The following NTNG1 variants were observed in gnomAD, a reference collection of about 807,000 sequenced individuals.
NTNG1 encodes netrin-G1.
Under a neutral mutation model 54.0 loss-of-function variants are expected in NTNG1, and 16 were observed. The observed-to-expected ratio is 0.30, with a 90% CI of 0.20 to 0.45. NTNG1 has a LOEUF of 0.45. Ranked by LOEUF, NTNG1 falls within the 20% of genes least tolerant of loss-of-function variation. NTNG1 has a pLI of 1.00. For synonymous variants in NTNG1, 255 were observed against 263.1 expected, an observed-to-expected ratio of 0.97 and a Z score of 0.30; for missense variants, 530 against 678.7, an observed-to-expected ratio of 0.78 and a Z score of 2.43.
chr1:107,393,179 G>A (rs540388576), intron 3 of NTNG1, among the ~76,000 whole-genome samples: 1 of 152,242 alleles, frequency 6.6e-6, no homozygotes, highest in South Asian at 2.1e-4. Context: ...ATTACTCCTT[G>A]CATTCTTGAT....
intron 5 of NTNG1, chr1:107,420,964 C>T (rs750421691): frequency 4.8e-5 from 33 of 692,580 alleles, no homozygotes; most frequent in Non-Finnish European, 6.8e-5. Flanking sequence ...CTAGAAACAA[C>T]AGATACAAAT....
chr1:107,401,753 A>G (rs979956238), intron 4 of NTNG1, among the ~76,000 whole-genome samples: 1 of 151,840 alleles, frequency 6.6e-6, no homozygotes, highest in Non-Finnish European at 1.5e-5. Flanking sequence ...ATGGAAAGAC[A>G]GTATAGAACG....
At chr1:107,282,576 G>A (rs1664934990) in intron 2 of NTNG1, among the ~76,000 whole-genome samples, 1 of 152,024 alleles carries the variant, frequency 6.6e-6, no homozygotes. Flanking sequence ...CCTTCTGTTG[G>A]CCCTCAAAAT....
At chr1:107,385,160 A>C (rs1274444524) in intron 3 of NTNG1, among the ~76,000 whole-genome samples, 1 of 152,180 alleles carries the variant, frequency 6.6e-6, no homozygotes, top group Admixed American at 6.5e-5. Flanking sequence ...CTGTGTTCAG[A>C]TATCAGTTGT....
At chr1:107,452,935 C>T (rs368966966) in intron 7 of NTNG1, among the ~76,000 whole-genome samples, 4 of 152,136 alleles carry the variant, frequency 2.6e-5, no homozygotes, top group Non-Finnish European at 4.4e-5. Flanking sequence ...TGAGGAGGTA[C>T]GTGACAATCC....
intron 7 of NTNG1, chr1:107,460,423 T>G: frequency 1.9e-6 from 1 of 518,754 alleles, no homozygotes; most frequent in Middle Eastern, 3.2e-4. Context: ...ATTTTACACT[T>G]TGGGAAAACT....
At chr1:107,448,730 A>G (rs1406470362) in intron 7 of NTNG1, among the ~76,000 whole-genome samples, 1 of 152,068 alleles carries the variant, frequency 6.6e-6, no homozygotes, top group South Asian at 2.1e-4. Flanking sequence ...AACATTTTAT[A>G]TAAGGGGCAG....
chr1:107,219,412 T>C (rs1660194683), intron 2 of NTNG1, among the ~76,000 whole-genome samples: 1 of 152,224 alleles, frequency 6.6e-6, no homozygotes, highest in African/African-American at 2.4e-5. Flanking sequence ...ATTCTTTTTC[T>C]GGCAATTCAG....
chr1:107,297,398 A>C (rs1666047453), intron 2 of NTNG1, among the ~76,000 whole-genome samples: 1 of 151,808 alleles, frequency 6.6e-6, no homozygotes, highest in African/African-American at 2.4e-5. Flanking sequence ...AAATAGTGGT[A>C]ACTGTGAAAG....
chr1:107,408,678 A>C (rs1264514878), intron 5 of NTNG1: 2 of 152,068 alleles, frequency 1.3e-5, no homozygotes, highest in Non-Finnish European at 2.9e-5. Flanking sequence ...TCTTTGAACA[A>C]CTACTAAGTA....
chr1:107,245,543 A>G (rs556442271), intron 2 of NTNG1, among the ~76,000 whole-genome samples: 1 of 152,178 alleles, frequency 6.6e-6, no homozygotes, highest in Admixed American at 6.5e-5. Context: ...ATTTATGTAT[A>G]TTTCTTTTTA....
intron 3 of NTNG1, among the ~76,000 whole-genome samples, chr1:107,370,527 G>T (rs1303826302): frequency 6.6e-6 from 1 of 151,046 alleles, no homozygotes; most frequent in Non-Finnish European, 1.5e-5. Context: ...ACTTTCCACC[G>T]AGTCCCCAAA....
At chr1:107,370,560 C>T (rs922910924) in intron 3 of NTNG1, among the ~76,000 whole-genome samples, 8 of 151,770 alleles carry the variant, frequency 5.3e-5, no homozygotes, top group Non-Finnish European at 1.2e-4. Context: ...ATTCTTAGGC[C>T]TTTCCATCCT....
At chr1:107,332,807 A>G (rs538388683) in intron 3 of NTNG1, among the ~76,000 whole-genome samples, 16 of 152,230 alleles carry the variant, frequency 1.1e-4, no homozygotes, top group African/African-American at 3.1e-4. Context: ...CACTTTTAGA[A>G]CTAAGTATAT....
chr1:107,180,589 A>G (rs1418828752), intron 2 of NTNG1, among the ~76,000 whole-genome samples: 1 of 152,214 alleles, frequency 6.6e-6, no homozygotes, highest in Non-Finnish European at 1.5e-5. Context: ...GTGCTATAGA[A>G]CATGGTCCTG....
chr1:107,467,020 A>G (rs1677649115), intron 7 of NTNG1, among the ~76,000 whole-genome samples: 1 of 152,186 alleles, frequency 6.6e-6, no homozygotes, highest in Admixed American at 6.5e-5. Flanking sequence ...AACTCAGTAC[A>G]TCCTCTTTCT....
At chr1:107,238,092 C>G (rs547648339) in intron 2 of NTNG1, among the ~76,000 whole-genome samples, 1 of 152,164 alleles carries the variant, frequency 6.6e-6, no homozygotes, top group Non-Finnish European at 1.5e-5. Flanking sequence ...AGGAGGGATA[C>G]TATACCCTGC....
intron 7 of NTNG1, among the ~76,000 whole-genome samples, chr1:107,466,449 C>CA (rs753566129): frequency 6.6e-6 from 1 of 152,160 alleles, no homozygotes; most frequent in Non-Finnish European, 1.5e-5. Context: ...AGAAAGCAGT[C>CA]AAAATTCTTA....
chr1:107,407,057 G>A (rs1010608963), intron 4 of NTNG1, among the ~76,000 whole-genome samples: 33 of 152,258 alleles, frequency 2.2e-4, no homozygotes, highest in Admixed American at 1.2e-3. Flanking sequence ...GATGAAGTCC[G>A]TGATCAATAT....
Sources: allele counts gnomAD v4.1 joint callset (sites outside exome capture counted in the v4.1 genomes callset), GRCh38; gene constraint gnomAD v4.1.1; transcripts MANE v1.5; gene names NCBI Gene and HGNC (gene_info 2026-07-23, HGNC 2026-07-21).